Variants in PPP3CB observed in about 807,000 individuals in gnomAD.
The protein encoded by PPP3CB is serine/threonine-protein phosphatase 2B catalytic subunit beta isoform.
Under a neutral mutation model 66.4 loss-of-function variants are expected in PPP3CB, and 8 were observed. The observed-to-expected ratio is 0.12, with a 90% confidence interval of 0.07 to 0.22. PPP3CB has a LOEUF of 0.22. Ranked by LOEUF, PPP3CB falls within the 10% of genes least tolerant of loss-of-function variation. PPP3CB has a pLI of 1.00. For synonymous variants in PPP3CB, 208 were observed against 221.2 expected (o/e 0.94, Z 0.53); for missense variants, 319 against 642.5 (o/e 0.50, Z 5.44).
At chr10:73,446,250 C>T (rs2056250983) in intron 11 of PPP3CB, among the ~76,000 whole-genome samples, 1 of 151,862 alleles carries the variant, frequency 6.6e-6, no homozygotes, top group Admixed American at 6.6e-5. Context: ...CAGGTGCATG[C>T]CACCACGCCC....
At chr10:73,481,164 TC>T (rs146105715) in intron 1 of PPP3CB, among the ~76,000 whole-genome samples, 7 of 149,300 alleles carry the variant, frequency 4.7e-5, no homozygotes, top group African/African-American at 1.2e-4. Context: ...GATTTTTTTT[TC>T]TTTTTTTTTT....
At chr10:73,446,123 T>C (rs1462404568) in intron 11 of PPP3CB, among the ~76,000 whole-genome samples, 1 of 150,942 alleles carries the variant, frequency 6.6e-6, no homozygotes, top group Admixed American at 6.6e-5. Flanking sequence ...TTTTTTTTTT[T>C]AGACAGAGCC....
chr10:73,484,207 T>C (rs1440180876), intron 1 of PPP3CB, among the ~76,000 whole-genome samples: 2 of 152,216 alleles, frequency 1.3e-5, no homozygotes, highest in Admixed American at 6.5e-5. Context: ...AGCATTTCCA[T>C]ATAGTTTTCA....
rs2057221026 is a variant in PPP3CB, at chr10:73,495,934, G to C, written c.-45C>G. 1 of 1,052,386 alleles carries C rather than the reference G, an allele frequency of 9.5e-7. No homozygotes were observed. Among genetic ancestry groups the C allele is most frequent in the Non-Finnish European group, 1.2e-6 (1 of 827,730 alleles). 65.2% of individuals were successfully genotyped at this position (1,052,386 alleles called of 1,614,324 possible). A position where few individuals can be genotyped will look rare whatever the true frequency, so the allele number is the denominator to read the frequency against. On this transcript the variant is annotated 5_prime_UTR_variant, in exon 1 of 14. Coordinates refer to ENST00000360663, the MANE Select transcript of PPP3CB (RefSeq NM_021132.4). The stretch of plus-strand genomic sequence containing the variant: ...TAGGCTCTGGGCCGGGCGGGGTTGG[G>C]GGCGGGGGCGGCGGCTACCAGAGCC...
chr10:73,491,022 GTTTTTT>G (rs528238766), intron 1 of PPP3CB, among the ~76,000 whole-genome samples: 1,045 of 40,758 alleles, frequency 0.026, 5 homozygotes, highest in African/African-American at 0.067. Flanking sequence ...TGTTTTTATT[GTTTTTT>G]TTTTTTTTTT....
intron 1 of PPP3CB, among the ~76,000 whole-genome samples, chr10:73,488,000 C>T (rs1460126862): frequency 1.3e-5 from 2 of 151,778 alleles, no homozygotes; most frequent in African/African-American, 4.8e-5. Flanking sequence ...AGGCTGGTCT[C>T]GAACATATGA....
chr10:73,486,651 T>C (rs1207540092), intron 1 of PPP3CB, among the ~76,000 whole-genome samples: 1 of 152,170 alleles, frequency 6.6e-6, no homozygotes, highest in Non-Finnish European at 1.5e-5. Context: ...ATCTCTCTAG[T>C]TTAATTACAT....
At chr10:73,459,574 C>T (rs768204857) in intron 9 of PPP3CB, among the ~76,000 whole-genome samples, 24 of 152,222 alleles carry the variant, frequency 1.6e-4, no homozygotes, top group Non-Finnish European at 2.8e-4. Flanking sequence ...TGTCTATCAG[C>T]TGATGAATAA....
Position 73,447,113 on chromosome 10 carries a change from T to C in PPP3CB, c.1187-540A>G, listed in dbSNP as rs551496017. Among the ~76,000 whole-genome samples, 7 of 152,326 alleles carry C rather than the reference T, an allele frequency of 4.6e-5. No homozygotes were observed. In the South Asian group the frequency reaches 6.2e-4, roughly 14 times the overall value. Reference sequence around the variant, plus strand: ...TCTAAAATGAATGGCATGAAGGAGCTACTGTGCAGGTAATCCTGAACTAAG... The same window carrying C: ...TCTAAAATGAATGGCATGAAGGAGCCACTGTGCAGGTAATCCTGAACTAAG... On this transcript the variant is annotated intron_variant, in intron 10 of 13. Transcript: ENST00000360663.
chr10:73,438,497 TAAG>T, intron 13 of PPP3CB, 77 bp from the exon 14 acceptor site: 3 of 1,364,574 alleles, frequency 2.2e-6, no homozygotes, highest in South Asian at 2.5e-5. Flanking sequence ...TAATGATTTT[TAAG>T]AAGAAAGAAA....
intron 3 of PPP3CB, chr10:73,477,213 T>C (rs767927040): frequency 1.7e-5 from 9 of 518,398 alleles, no homozygotes; most frequent in South Asian, 1.3e-4. Context: ...TAGAACATGC[T>C]TAGAACATAT....
At chr10:73,443,171 A>C (rs890787586) in intron 12 of PPP3CB, among the ~76,000 whole-genome samples, 1 of 151,442 alleles carries the variant, frequency 6.6e-6, no homozygotes, top group African/African-American at 2.4e-5. Context: ...CACAGCAAGA[A>C]ACCAGACCCT....
rs544144575 is a variant in PPP3CB at position 73,493,247 on chromosome 10, C to T, written c.85+2558G>A. Among the ~76,000 whole-genome samples the T allele has an allele frequency of 7.6e-4, 113 of 148,108 alleles. 1 individual carries two copies. The highest frequency in any genetic ancestry group is 2.5e-3 in the African/African-American group (96 of 38,752). On this transcript the variant is annotated intron_variant, in intron 1 of 13. Transcript: ENST00000360663. ...GTAGAGATCGCGCCACTGCACTCCA[C>T]TTGGGCAACAAGAGTGAAACTCCGT...
At chr10:73,445,575 A>C (rs2056234476) in intron 11 of PPP3CB, among the ~76,000 whole-genome samples, 1 of 151,634 alleles carries the variant, frequency 6.6e-6, no homozygotes. Context: ...CCTCCCGAGT[A>C]GCTGGGACCA....
intron 4 of PPP3CB, among the ~76,000 whole-genome samples, chr10:73,472,667 C>T (rs2056723025): frequency 6.6e-6 from 1 of 152,002 alleles, no homozygotes; most frequent in Non-Finnish European, 1.5e-5. Context: ...AAGATGACTA[C>T]ATCATCACAA....
At chr10:73,494,381 G>A (rs1455653557) in intron 1 of PPP3CB, among the ~76,000 whole-genome samples, 2 of 151,998 alleles carry the variant, frequency 1.3e-5, no homozygotes, top group Non-Finnish European at 1.5e-5. Flanking sequence ...TCTGCCTCTC[G>A]GGCTCCAGTG....
At chr10:73,451,266 T>C (rs1003844056) in intron 10 of PPP3CB, among the ~76,000 whole-genome samples, 4 of 151,972 alleles carry the variant, frequency 2.6e-5, no homozygotes, top group African/African-American at 9.7e-5. Context: ...AAATGACATA[T>C]TTTTAAAAGT....
At chr10:73,443,650 A>G (rs895844668) in intron 12 of PPP3CB, 2 of 152,208 alleles carry the variant, frequency 1.3e-5, no homozygotes, top group Non-Finnish European at 1.5e-5. Context: ...ATTACTGTGT[A>G]TGGTCACTAA....
rs554157390 is a variant in PPP3CB, at chr10:73,494,052, T to C, written c.85+1753A>G. Among the ~76,000 whole-genome samples, 253 of 152,216 alleles carry C rather than the reference T, an allele frequency of 1.7e-3. 1 individual carries two copies. Among genetic ancestry groups the C allele is most frequent in the African/African-American group, 5.9e-3 (244 of 41,540 alleles). On this transcript the variant is annotated intron_variant, in intron 1 of 13. Transcript: ENST00000360663. Reference sequence around the variant, plus strand: ...GTCTGGTGAAAAGTGCCCAGGGAAATGAACACACAACACAGAAATACAGTC... The same window carrying C: ...GTCTGGTGAAAAGTGCCCAGGGAAACGAACACACAACACAGAAATACAGTC...
Sources: allele counts gnomAD v4.1 joint callset (sites outside exome capture counted in the v4.1 genomes callset), GRCh38; gene constraint gnomAD v4.1.1; transcripts MANE v1.5; gene names NCBI Gene and HGNC (gene_info 2026-07-23, HGNC 2026-07-21).